Variants in PLXDC2 observed in about 807,000 individuals in gnomAD.
The protein encoded by PLXDC2 is plexin domain containing 2.
Under a neutral mutation model 68.9 loss-of-function variants are expected in PLXDC2, and 40 were observed. That is an observed-to-expected ratio of 0.58 (90% CI 0.45 to 0.76). The LOEUF (loss-of-function observed/expected upper bound fraction) is 0.76. Ranked by LOEUF, PLXDC2 falls within the 30% of genes least tolerant of loss-of-function variation. The pLI, the probability that PLXDC2 is intolerant of heterozygous loss-of-function variation, is 0.00. For synonymous variants in PLXDC2, 243 were observed against 234.2 expected (o/e 1.04, Z -0.34); for missense variants, 644 against 661.9 (o/e 0.97, Z 0.30).
intron 1 of PLXDC2, among the ~76,000 whole-genome samples, chr10:19,956,326 C>T (rs1834069040): frequency 6.6e-6 from 1 of 152,098 alleles, no homozygotes; most frequent in African/African-American, 2.4e-5. Flanking sequence ...TAACATATCT[C>T]AGTAATCATT....
chr10:19,902,960 A>G (rs996851111), intron 1 of PLXDC2, among the ~76,000 whole-genome samples: 7 of 152,102 alleles, frequency 4.6e-5, no homozygotes, highest in Non-Finnish European at 7.4e-5. Context: ...AATTCTGTTT[A>G]TGTGCTGTAT....
chr10:20,224,626 T>A (rs1835262805), intron 12 of PLXDC2, among the ~76,000 whole-genome samples: 3 of 152,194 alleles, frequency 2.0e-5, no homozygotes. Flanking sequence ...AACTAAAGTC[T>A]TCAACCAGAT....
intron 1 of PLXDC2, among the ~76,000 whole-genome samples, chr10:19,995,496 A>T (rs550013986): frequency 1.3e-5 from 2 of 152,314 alleles, no homozygotes; most frequent in Admixed American, 6.5e-5. Context: ...TCTAGCATGT[A>T]CCAAAATTCC....
chr10:20,171,823 T>G (rs1433715158), intron 7 of PLXDC2, among the ~76,000 whole-genome samples: 1 of 152,128 alleles, frequency 6.6e-6, no homozygotes, highest in African/African-American at 2.4e-5. Flanking sequence ...TTTAGAACTG[T>G]GTCTAGCTGG....
At chr10:20,201,440 T>A (rs1834916109) in intron 9 of PLXDC2, among the ~76,000 whole-genome samples, 1 of 152,092 alleles carries the variant, frequency 6.6e-6, no homozygotes, top group Non-Finnish European at 1.5e-5. Flanking sequence ...TTAAAGGATA[T>A]AAATTATAGC....
intron 3 of PLXDC2, among the ~76,000 whole-genome samples, chr10:20,067,722 C>T (rs1233805858): frequency 6.6e-6 from 1 of 151,852 alleles, no homozygotes; most frequent in African/African-American, 2.4e-5. Context: ...GGTCTAGATC[C>T]ACCAGTGCAA....
chr10:19,965,711 T>G (rs531375564), intron 1 of PLXDC2, among the ~76,000 whole-genome samples: 1 of 79,602 alleles, frequency 1.3e-5, no homozygotes, highest in Non-Finnish European at 2.7e-5. Flanking sequence ...TGGAAAACAG[T>G]TTTTTTTGGG....
chr10:19,990,977 T>C (rs1834738570), intron 1 of PLXDC2, among the ~76,000 whole-genome samples: 2 of 152,214 alleles, frequency 1.3e-5, no homozygotes, highest in Admixed American at 1.3e-4. Flanking sequence ...CCGGGCATGA[T>C]GGCTCATGCC....
Position 20,079,682 on chromosome 10 carries a change from A to T in PLXDC2, c.541+11443A>T, listed in dbSNP as rs12218217. ...ATCATTCTCAGCAAACTAACACAGG[A>T]ACAGAAAACCAAACACCACATGTTG... On this transcript the variant is annotated intron_variant, in intron 4 of 13. Coordinates refer to ENST00000377252, the MANE Select transcript of PLXDC2 (RefSeq NM_032812.9). 2.0e-5 allele frequency among the ~76,000 whole-genome samples: 3 copies of T among 152,122 alleles called. No individual in the cohort carries two copies. The South Asian group carries it at 6.2e-4, about 32-fold the overall frequency.
chr10:19,884,722 T>C (rs1470912097), intron 1 of PLXDC2, among the ~76,000 whole-genome samples: 2 of 152,222 alleles, frequency 1.3e-5, no homozygotes, highest in Non-Finnish European at 2.9e-5. Flanking sequence ...ATGGTGTATA[T>C]GTGCCACATT....
intron 4 of PLXDC2, among the ~76,000 whole-genome samples, chr10:20,116,709 A>T (rs765530819): frequency 6.6e-6 from 1 of 152,214 alleles, no homozygotes; most frequent in Non-Finnish European, 1.5e-5. Flanking sequence ...AAGTAAGAAG[A>T]CATAGAAAGG....
In PLXDC2 at chr10:20,176,984, TCC is replaced by T. The variant is rs1589666589; in HGVS notation, c.884-14_884-13del. 1.9e-6 allele frequency: 3 copies of T among 1,555,878 alleles called. No homozygotes were observed. The highest frequency in any genetic ancestry group is 2.3e-5 in the South Asian group (2 of 86,800). On this transcript the variant is annotated splice_polypyrimidine_tract_variant and intron_variant, in intron 7 of 13. Coordinates refer to ENST00000377252, the MANE Select transcript of PLXDC2 (RefSeq NM_032812.9). ...GGAAAGGTTAAAAATTGATTTTTTT[TCC>T]TTTTTTTTCTAGATGTTCGAAGAAG...
At chr10:19,888,206 AT>A (rs1224624309) in intron 1 of PLXDC2, among the ~76,000 whole-genome samples, 11 of 152,218 alleles carry the variant, frequency 7.2e-5, no homozygotes, top group African/African-American at 2.7e-4. Flanking sequence ...ATAAGAAATT[AT>A]TGTTTAACAA....
At chr10:19,982,292 G>A (rs556356177) in intron 1 of PLXDC2, among the ~76,000 whole-genome samples, 6 of 152,298 alleles carry the variant, frequency 3.9e-5, no homozygotes, top group Admixed American at 2.6e-4. Context: ...GAATGGTCCC[G>A]TGTGACTGAT....
intron 4 of PLXDC2, among the ~76,000 whole-genome samples, chr10:20,123,169 G>A (rs1833723302): frequency 6.6e-6 from 1 of 152,166 alleles, no homozygotes; most frequent in Non-Finnish European, 1.5e-5. Context: ...GGGTGGAGGA[G>A]TGGAGGCTGA....
chr10:19,914,787 C>A (rs540084825), intron 1 of PLXDC2, among the ~76,000 whole-genome samples: 63 of 152,308 alleles, frequency 4.1e-4, no homozygotes, highest in African/African-American at 1.4e-3. Context: ...TAGTCCCACA[C>A]CTTTATGACC....
intron 1 of PLXDC2, among the ~76,000 whole-genome samples, chr10:19,897,975 A>G (rs1838090049): frequency 2.0e-5 from 3 of 152,212 alleles, no homozygotes; most frequent in Admixed American, 2.0e-4. Flanking sequence ...AACTGAAAAA[A>G]ATACCTGTTT....
rs564836534 is a variant in PLXDC2 at position 20,103,887 on chromosome 10, C to G, written c.541+35648C>G. 1.7e-3 allele frequency among the ~76,000 whole-genome samples: 259 copies of G among 152,280 alleles called. 1 individual carries two copies. The highest frequency in any genetic ancestry group is 5.2e-3 in the African/African-American group (215 of 41,572). ...CGAACTCCTGACCTCAGGTGATCCG[C>G]CTGCCTTGGCCGCCCAAAGTGCTAG... is the stretch of plus-strand genomic sequence containing the variant. On this transcript the variant is annotated intron_variant, in intron 4 of 13. Transcript: ENST00000377252.
intron 2 of PLXDC2, among the ~76,000 whole-genome samples, chr10:20,044,293 C>CTTTCTTTCTTTCT (rs1412550830): frequency 6.0e-5 from 4 of 67,118 alleles, no homozygotes; most frequent in African/African-American, 1.1e-4. Flanking sequence ...TTCTTTCTTT[C>CTTTCTTTCTTTCT]TTCTTTCTCT....
Sources: allele counts gnomAD v4.1 joint callset (sites outside exome capture counted in the v4.1 genomes callset), GRCh38; gene constraint gnomAD v4.1.1; transcripts MANE v1.5; gene names NCBI Gene and HGNC (gene_info 2026-07-23, HGNC 2026-07-21).